KANK2: variants seen among roughly 807,000 people sequenced by gnomAD.
KANK2 encodes the protein KN motif and ankyrin repeat domains 2.
In KANK2, 41 loss-of-function variants were observed where a neutral mutation model predicts 74.6. That is an observed-to-expected ratio of 0.55 (90% CI 0.43 to 0.71). The LOEUF (loss-of-function observed/expected upper bound fraction) is 0.71. KANK2 is among the 30% of genes least tolerant of loss of function. The probability of loss-of-function intolerance (pLI) is 0.00; values close to 1 mark genes in which losing one functional copy is unlikely to be tolerated. For synonymous variants in KANK2, 537 were observed against 519.0 expected (o/e 1.03, Z -0.47); for missense variants, 1,148 against 1,196.4 (o/e 0.96, Z 0.60).
intron 12 of KANK2, among the ~76,000 whole-genome samples, chr19:11,169,205 G>T (rs1322043304): frequency 6.6e-6 from 1 of 152,162 alleles, no homozygotes; most frequent in Admixed American, 6.6e-5. Context: ...GGGCATGGTG[G>T]TGTGCACCTG....
At chr19:11,188,917 G>A (rs1489987498) in intron 4 of KANK2, among the ~76,000 whole-genome samples, 4 of 151,768 alleles carry the variant, frequency 2.6e-5, no homozygotes, top group African/African-American at 9.7e-5. Flanking sequence ...CCCAGGAGGT[G>A]GAGGTTGCAG....
At chr19:11,179,550 A>G (rs1210641114) in intron 4 of KANK2, among the ~76,000 whole-genome samples, 2 of 150,586 alleles carry the variant, frequency 1.3e-5, no homozygotes, top group Admixed American at 6.7e-5. Flanking sequence ...AGGCAGGAGA[A>G]TTGCTTGAAC....
chr19:11,166,215 T>C lies in KANK2; in HGVS notation c.*343A>G. On this transcript the variant is annotated 3_prime_UTR_variant, in exon 13 of 13. Coordinates refer to ENST00000586659, the MANE Select transcript of KANK2 (RefSeq NM_001136191.3). The stretch of plus-strand genomic sequence containing the variant: ...AATGATTCAAAAATACAATATTTTT[T>C]TCCTCTCCCTCTTCCTCCATCCATA... 4.4e-6 allele frequency: 1 copy of C among 228,586 alleles called. No individual in the cohort carries two copies. 14.2% of individuals were successfully genotyped at this position (228,586 alleles called of 1,614,324 possible).
chr19:11,188,712 C>T (rs906921451), intron 4 of KANK2, among the ~76,000 whole-genome samples: 1 of 150,922 alleles, frequency 6.6e-6, no homozygotes, highest in Non-Finnish European at 1.5e-5. Context: ...GGGTGGGTGC[C>T]GTGGCTCATG....
chr19:11,181,759 G>T (rs1320359109), intron 4 of KANK2, among the ~76,000 whole-genome samples: 5 of 151,904 alleles, frequency 3.3e-5, no homozygotes, highest in Non-Finnish European at 5.9e-5. Context: ...GAGGCTGAAG[G>T]GGGAGGATCA....
chr19:11,188,271 C>G lies in KANK2; in HGVS notation c.1249+4560G>C, dbSNP rs1461269982. 3.3e-5 allele frequency among the ~76,000 whole-genome samples: 5 copies of G among 151,612 alleles called. No individual in the cohort carries two copies. The South Asian group carries it at 8.3e-4, about 25-fold the overall frequency. ...TCGCCCAGGCTGGAGTGCAGCAATG[C>G]GAGCTCAGCTCACTGCAATTTCCGC... On this transcript the variant is annotated intron_variant, in intron 4 of 12. Transcript: ENST00000586659.
At chr19:11,185,848 G>C (rs2078659266) in intron 4 of KANK2, among the ~76,000 whole-genome samples, 1 of 151,594 alleles carries the variant, frequency 6.6e-6, no homozygotes, top group African/African-American at 2.4e-5. Flanking sequence ...AGACCAACCT[G>C]AACAACAGAG....
At chr19:11,182,140 T>C (rs2078538863) in intron 4 of KANK2, among the ~76,000 whole-genome samples, 1 of 151,818 alleles carries the variant, frequency 6.6e-6, no homozygotes, top group African/African-American at 2.4e-5. Flanking sequence ...GGTCTTGAAC[T>C]CCCAATCTCC....
intron 3 of KANK2, among the ~76,000 whole-genome samples, 178 bp downstream of exon 3, chr19:11,194,297 G>A (rs1408066018): frequency 6.6e-6 from 1 of 151,908 alleles, no homozygotes; most frequent in Admixed American, 6.6e-5. Context: ...CCTTTTTCCG[G>A]TAAGACTCTG....
Position 11,176,833 on chromosome 19 carries a change from C to T in KANK2, c.1521-16G>A, listed in dbSNP as rs371447915. 4.5e-5 allele frequency: 67 copies of T among 1,488,504 alleles called. No individual in the cohort carries two copies. The African/African-American group carries it at 5.8e-4, about 13-fold the overall frequency. 92.2% of individuals were successfully genotyped at this position (1,488,504 alleles called of 1,614,324 possible). ...CGACTCATACCTGGGGAGGAACGAG[C>T]GGGGAGGGGGAGATGCTGCAGGTGG... On this transcript the variant is annotated splice_polypyrimidine_tract_variant and intron_variant, in intron 6 of 12. Coordinates refer to ENST00000586659, the MANE Select transcript of KANK2 (RefSeq NM_001136191.3).
At chr19:11,188,483 G>A (rs1386202796) in intron 4 of KANK2, among the ~76,000 whole-genome samples, 1 of 149,990 alleles carries the variant, frequency 6.7e-6, no homozygotes, top group East Asian at 1.9e-4. Flanking sequence ...GGGATTACAG[G>A]CATGAGCCAC....
At chr19:11,189,357 T>C (rs2078771792) in intron 4 of KANK2, among the ~76,000 whole-genome samples, 2 of 151,854 alleles carry the variant, frequency 1.3e-5, no homozygotes, top group Admixed American at 1.3e-4. Context: ...ATTTCATCGC[T>C]TGCTCAAAGG....
chr19:11,193,321 G>A lies in KANK2; in HGVS notation c.759C>T (p.Pro253=), dbSNP rs74489974. 3.6e-5 allele frequency: 58 copies of A among 1,612,590 alleles called. No individual in the cohort carries two copies. In the East Asian group the frequency reaches 9.4e-4, roughly 26 times the overall value. Residue 253 remains proline (P), a synonymous_variant, in exon 4 of 13, where the codon CCC becomes CCT. Transcript: ENST00000586659. This position sits in a 1 kb window ranked among gnomAD's most constrained non-coding sequence, Gnocchi z 9.6. ...GTGCCACTGGGTCCTCTGGGGGATCGGGGAGGTCCAGGCAGAGCTCGCTGC... is the reference window on the plus strand; with the variant it reads ...GTGCCACTGGGTCCTCTGGGGGATCAGGGAGGTCCAGGCAGAGCTCGCTGC... ...RGRSELCLDL[P]DPPEDPVALE...
At chr19:11,190,417 T>G (rs2078808610) in intron 4 of KANK2, among the ~76,000 whole-genome samples, 1 of 152,070 alleles carries the variant, frequency 6.6e-6, no homozygotes, top group Non-Finnish European at 1.5e-5. Flanking sequence ...CCTGATGTTC[T>G]GGGTTTGGAT....
At chr19:11,182,330 C>A (rs2078545543) in intron 4 of KANK2, among the ~76,000 whole-genome samples, 2 of 151,586 alleles carry the variant, frequency 1.3e-5, no homozygotes. Flanking sequence ...CCAGCCTGGG[C>A]AACATAGCAA....
At position 11,193,720 on chromosome 19, in the gene KANK2, G is replaced by C; in HGVS notation, c.360C>G (p.Phe120Leu). Residue 120 changes from phenylalanine (F) to leucine (L), a missense_variant, in exon 4 of 13, where the codon TTC becomes TTG. By Grantham distance (22) the Phe-to-Leu change is conservative. Transcript: ENST00000586659. The surrounding 1 kb of genome is among the most constrained non-coding windows in gnomAD (Gnocchi z 9.6). ...GCAGCGTGCGCTCCACCCGCGGATT[G>C]AAGCCACCGCGGGTCTCCAGAGCAC... ...QYGALETRGG[F>L]NPRVERTLLD... 2 of 1,612,262 alleles carry C rather than the reference G, an allele frequency of 1.2e-6. No individual in the cohort carries two copies. The highest frequency in any genetic ancestry group is 1.7e-6 in the Non-Finnish European group (2 of 1,179,592).
Position 11,185,047 on chromosome 19 carries a change from T to C in KANK2, c.1250-6327A>G, listed in dbSNP as rs1055446451. Among the ~76,000 whole-genome samples the C allele has an allele frequency of 4.6e-4, 69 of 148,918 alleles. 1 individual carries two copies. In the Middle Eastern group the frequency reaches 0.01, roughly 22 times the overall value. ...GGTGGTCTCGACCTCCTGACCTCAG[T>C]TGAGCCACCACGCCCAGTCTACTTC... is the stretch of plus-strand genomic sequence containing the variant. On this transcript the variant is annotated intron_variant, in intron 4 of 12. Coordinates refer to ENST00000586659, the MANE Select transcript of KANK2 (RefSeq NM_001136191.3).
chr19:11,185,183 G>A (rs1229628077), intron 4 of KANK2, among the ~76,000 whole-genome samples: 1 of 147,816 alleles, frequency 6.8e-6, no homozygotes, highest in Non-Finnish European at 1.5e-5. Flanking sequence ...ACTTTGGGGG[G>A]CCGAGGTGGG....
intron 4 of KANK2, chr19:11,192,618 T>G: frequency 1.8e-6 from 1 of 542,834 alleles, no homozygotes; most frequent in Non-Finnish European, 3.4e-6. Flanking sequence ...GTATTTTTAG[T>G]AGAGATGGGT....
Sources: allele counts gnomAD v4.1 joint callset (sites outside exome capture counted in the v4.1 genomes callset), GRCh38; gene constraint gnomAD v4.1.1; non-coding constraint Gnocchi (gnomAD v3.1); transcripts MANE v1.5; gene names NCBI Gene and HGNC (gene_info 2026-07-23, HGNC 2026-07-21).